FLII: variants seen among roughly 807,000 people sequenced by gnomAD.
FLII encodes protein flightless-1 homolog.
Under a neutral mutation model 156.2 loss-of-function variants are expected in FLII, and 101 were observed. The ratio of observed to expected loss-of-function variants is 0.65; its 90% confidence interval spans 0.55 to 0.76. The LOEUF is 0.76. Ranked by LOEUF, FLII falls within the 30% of genes least tolerant of loss-of-function variation. The pLI is 0.00. For synonymous variants in FLII, 767 were observed against 685.8 expected (o/e 1.12, Z -1.85); for missense variants, 1,675 against 1,682.8 (o/e 1.00, Z 0.08).
Position 18,246,050 on chromosome 17 carries a change from T to A in FLII, c.3280A>T (p.Ser1094Cys), listed in dbSNP as rs1442035856. The A allele has an allele frequency of 6.2e-7, 1 of 1,614,028 alleles. No individual in the cohort carries two copies. Among genetic ancestry groups the A allele is most frequent in the Admixed American group, 1.7e-5 (1 of 60,018 alleles). ...TACACGATGCCCTGGTTGTCCTCAC[T>A]CTCAAAGGGAACCTGGGGAGTGTGC... is the stretch of plus-strand genomic sequence containing the variant. ...FCFILKVPFE[S>C]EDNQGIVYAW... Residue 1094 changes from serine (S) to cysteine (C), a missense_variant, in exon 26 of 30, where the codon AGT becomes TGT. Physicochemically the swap from Ser to Cys is moderately radical, Grantham distance 112. Transcript: ENST00000327031.
rs777381878 is a variant in FLII at position 18,258,502 on chromosome 17, C to G, written c.63+126G>C. ...TCCTGGCCAGGGGAGAGCCCCACCC[C>G]GCCCCGGCCGCAGTCCCTGGGACAC... On this transcript the variant is annotated intron_variant, in intron 1 of 29. Coordinates refer to ENST00000327031, the MANE Select transcript of FLII (RefSeq NM_002018.4). This position sits in a 1 kb window ranked among gnomAD's most constrained non-coding sequence, Gnocchi z 4.2. 3.3e-6 allele frequency: 5 copies of G among 1,505,450 alleles called. No individual in the cohort carries two copies. The highest frequency in any genetic ancestry group is 4.4e-6 in the Non-Finnish European group (5 of 1,133,644). 93.3% of individuals were successfully genotyped at this position (1,505,450 alleles called of 1,614,324 possible). A position where few individuals can be genotyped will look rare whatever the true frequency, so the allele number is the denominator to read the frequency against.
In FLII at chr17:18,252,532, G is replaced by GACAAGTTTCCTCAGCTTTGGGC; in HGVS notation, c.1016_1037dup (p.Leu347ProfsTer49). The GACAAGTTTCCTCAGCTTTGGGC allele has an allele frequency of 6.2e-7, 1 of 1,613,676 alleles. No individual in the cohort carries two copies. Among genetic ancestry groups the GACAAGTTTCCTCAGCTTTGGGC allele is most frequent in the Non-Finnish European group, 8.5e-7 (1 of 1,180,008 alleles). ...GGGTCACCAGGTGGTTCTTGTTCAG[G>GACAAGTTTCCTCAGCTTTGGGC]ACAAGTTTCCTCAGCTTTGGGCACC... On this transcript the variant is annotated frameshift_variant, in exon 10 of 30. Transcript: ENST00000327031. LOFTEE classifies it high-confidence loss of function.
chr17:18,248,151 TC>T, intron 18 of FLII, 118 bp from the exon 19 acceptor site: 2 of 662,624 alleles, frequency 3.0e-6, no homozygotes, highest in Non-Finnish European at 5.2e-6. Flanking sequence ...TGCTTCTGTT[TC>T]CCCCTCCCCT....
rs374095780 is a variant in FLII at position 18,245,254 on chromosome 17, G to A, written c.3694C>T (p.Arg1232Trp). ...CGCGGCCGCTCATGTTCCTTGGACC[G>A]CATGTGCTGGATATATACCTGGCAA... ...KACQVYIQHMRSKEHERPRRL... is the reference protein window; with the variant it reads ...KACQVYIQHMWSKEHERPRRL... The change falls in exon 30 of 30, where the codon CGG becomes TGG. Residue 1232 changes from arginine (R) to tryptophan (W), a missense_variant. Arg to Trp is a moderately radical substitution (Grantham distance 101). Transcript: ENST00000327031. 37 of 1,613,290 alleles carry A rather than the reference G, an allele frequency of 2.3e-5. No individual in the cohort carries two copies. The highest frequency in any genetic ancestry group is 1.7e-4 in the Admixed American group (10 of 60,012).
Position 18,254,611 on chromosome 17 carries a change from C to G in FLII, c.485G>C (p.Arg162Pro). The G allele has an allele frequency of 2.5e-6, 4 of 1,613,922 alleles. No individual in the cohort carries two copies. Among genetic ancestry groups the G allele is most frequent in the Non-Finnish European group, 3.4e-6 (4 of 1,179,954 alleles). ...DLLYLDLSEN[R>P]LESLPPQMRR... ...CATCTGCGGGGGCAGGCTCTCCAGG[C>G]GGTTCTCGCTGAGGTCCAGGTATAG... The change falls in exon 6 of 30, where the codon CGC (arginine) becomes CCC (proline). Residue 162 changes from arginine (R) to proline (P), a missense_variant. Physicochemically the swap from Arg to Pro is moderately radical, Grantham distance 103 (BLOSUM62 -2). This residue lies in a region of FLII where 343 missense variants were observed against 413.5 expected (regional missense o/e 0.83). Transcript: ENST00000327031.
Position 18,251,078 on chromosome 17 carries a change from C to T in FLII, c.1597-61G>A, listed in dbSNP as rs1419446050. On this transcript the variant is annotated intron_variant, in intron 13 of 29. Transcript: ENST00000327031. ...CCTGGTCTTCCGGCCACCCCGGAGA[C>T]GCCACTCTGAACAGCACAGGCTTCC... The T allele has an allele frequency of 1.1e-5, 17 of 1,543,794 alleles. No homozygotes were observed. In the Admixed American group the frequency reaches 1.3e-4, roughly 12 times the overall value.
rs774605767 is a variant in FLII, at chr17:18,245,249, G to A, written c.3699C>T (p.Ser1233=). The A allele has an allele frequency of 6.2e-7, 1 of 1,613,652 alleles. No individual in the cohort carries two copies. The highest frequency in any genetic ancestry group is 1.3e-5 in the African/African-American group (1 of 75,074). ...GCCGGCGCGGCCGCTCATGTTCCTTGGACCGCATGTGCTGGATATATACCT... is the reference window on the plus strand; with the variant it reads ...GCCGGCGCGGCCGCTCATGTTCCTTAGACCGCATGTGCTGGATATATACCT... ...ACQVYIQHMR[S]KEHERPRRLR... The change falls in exon 30 of 30, where the codon TCC becomes TCT. Residue 1233 remains serine, a synonymous_variant. Transcript: ENST00000327031.
In FLII at chr17:18,245,576, C is replaced by CATG; in HGVS notation, c.3585_3587dup (p.Ile1195dup). ...ACACCTCTTGGCCATTGTCTAGCAA[C>CATG]ATGATGTCATCATCTGCCAGGTCAT... On this transcript the variant is annotated inframe_insertion, in exon 28 of 30. Transcript: ENST00000327031. 1 of 1,613,956 alleles carries CATG rather than the reference C, an allele frequency of 6.2e-7. No individual in the cohort carries two copies. Among genetic ancestry groups the CATG allele is most frequent in the Non-Finnish European group, 8.5e-7 (1 of 1,180,002 alleles).
At chr17:18,252,375 G>A in intron 10 of FLII, 97 bp downstream of exon 10, 11 of 1,210,968 alleles carry the variant, frequency 9.1e-6, no homozygotes, top group South Asian at 3.8e-5. Context: ...CCTGGCACTG[G>A]CCACCTCCCT....
At chr17:18,247,443 A>T in intron 20 of FLII, 86 bp from the exon 21 acceptor site, 1 of 1,315,256 alleles carries the variant, frequency 7.6e-7, no homozygotes, top group Non-Finnish European at 1.1e-6. Context: ...GCGGGACCCA[A>T]GGGAGATCTA....
chr17:18,253,915 T>G (rs1052146792), intron 7 of FLII, 164 bp downstream of exon 7: 5 of 752,514 alleles, frequency 6.6e-6, no homozygotes, highest in Non-Finnish European at 8.5e-6. Flanking sequence ...AGGCATAAAG[T>G]CAGTGTTAAG....
rs1252703957 is a variant in FLII, at chr17:18,253,580, A to G, written c.819T>C (p.Thr273=). The part of the protein sequence containing the change: ...LCIDQWVHVE[T]LNLSRNQLTS... ...TGAGCTGATTTCGGGACAGGTTCAG[A>G]GTTTCCACGTGCACCCACTGGTCTA... The change falls in exon 8 of 30, where the codon ACT becomes ACC. Residue 273 remains threonine, a synonymous_variant. Coordinates refer to ENST00000327031, the MANE Select transcript of FLII (RefSeq NM_002018.4). The G allele has an allele frequency of 1.2e-6, 2 of 1,613,924 alleles. No individual in the cohort carries two copies. The highest frequency in any genetic ancestry group is 3.3e-5 in the Admixed American group (2 of 60,020).
At chr17:18,251,606 C>T in intron 12 of FLII, 74 bp downstream of exon 12, 2 of 1,603,338 alleles carry the variant, frequency 1.2e-6, no homozygotes, top group Non-Finnish European at 1.7e-6. Context: ...CCCTCTTGGC[C>T]AGGGTCAAGG....
intron 14 of FLII, among the ~76,000 whole-genome samples, chr17:18,250,357 C>T (rs1338786866): frequency 1.3e-5 from 2 of 152,058 alleles, no homozygotes; most frequent in Non-Finnish European, 2.9e-5. Context: ...TGTGTACATG[C>T]GAACATATGT....
chr17:18,258,819 G>C (rs2048510050), upstream of FLII: 2 of 506,040 alleles, frequency 4.0e-6, no homozygotes, highest in Non-Finnish European at 5.8e-6. This position sits in a 1 kb window ranked among gnomAD's most constrained non-coding sequence, Gnocchi z 4.2. Context: ...CATTCCGCGG[G>C]GAAGTGTAGG....
intron 3 of FLII, among the ~76,000 whole-genome samples, chr17:18,256,280 G>A (rs2048414700): frequency 6.6e-6 from 1 of 152,220 alleles, no homozygotes; most frequent in Non-Finnish European, 1.5e-5. Context: ...TGTCCATAAC[G>A]GCTGGTAAGA....
intron 10 of FLII, 67 bp downstream of exon 10, chr17:18,252,405 C>G (rs1164182944): frequency 6.8e-7 from 1 of 1,481,158 alleles, no homozygotes. Context: ...TCTGCTGGGT[C>G]CCCCTTGCTC....
Position 18,252,527 on chromosome 17 carries a change from T to C in FLII, c.1043A>G (p.Asn348Ser). ...TGGGAGGGTCACCAGGTGGTTCTTG[T>C]TCAGGACAAGTTTCCTCAGCTTTGG... ...RCPKLRKLVL[N>S]KNHLVTLPEA... The change falls in exon 10 of 30, where the codon AAC (asparagine) becomes AGC (serine). Residue 348 changes from asparagine to serine, a missense_variant. Asn to Ser is a conservative substitution (Grantham distance 46). This residue lies in a region of FLII where 1,332 missense variants were observed against 1,269.3 expected (regional missense o/e 1.05). Transcript: ENST00000327031. 1 of 1,613,676 alleles carries C rather than the reference T, an allele frequency of 6.2e-7. No homozygotes were observed. The highest frequency in any genetic ancestry group is 1.1e-5 in the South Asian group (1 of 91,090).
rs368568060 is a variant in FLII at position 18,252,161 on chromosome 17, G to A, written c.1099-15C>T. 10 of 1,610,418 alleles carry A rather than the reference G, an allele frequency of 6.2e-6. No homozygotes were observed. The highest frequency in any genetic ancestry group is 2.2e-5 in the South Asian group (2 of 91,030). On this transcript the variant is annotated splice_polypyrimidine_tract_variant and intron_variant, in intron 10 of 29. Coordinates refer to ENST00000327031, the MANE Select transcript of FLII (RefSeq NM_002018.4). ...ACATCCAGGACCTGCCCCATAGGGT[G>A]AGCAGAGCCGGCACTGAGCCTGGGT...
Sources: gnomAD v4.1 joint callset for allele counts (sites outside exome capture counted in the v4.1 genomes callset) on GRCh38, gnomAD v4.1.1 for gene constraint, gnomAD v4.1.1 regional missense constraint, Gnocchi (gnomAD v3.1) non-coding constraint, MANE v1.5 for transcripts, NCBI Gene and HGNC (gene_info 2026-07-23, HGNC 2026-07-21) for gene names.